The following COLEC10 variants were observed in gnomAD, a reference collection of about 807,000 sequenced individuals.
COLEC10 encodes the protein collectin-10.
In COLEC10, 22 loss-of-function variants were observed where a neutral mutation model predicts 28.4. The ratio of observed to expected loss-of-function variants is 0.78; its 90% CI spans 0.55 to 1.11. COLEC10 has a LOEUF of 1.11. COLEC10 is among the 50% of genes least tolerant of loss of function. The pLI is 0.00. For missense variants in COLEC10, 361 were observed against 344.1 expected (o/e 1.05, Z -0.39); for synonymous variants, 125 against 116.1 (o/e 1.08, Z -0.49).
At chr8:118,958,443 C>T in the COLEC10 span, among the ~76,000 whole-genome samples, 3 of 152,202 alleles carry the variant, frequency 2.0e-5, no homozygotes, top group Non-Finnish European at 4.4e-5. Context: ...GGGTTTTGCA[C>T]AGTGGCACCA....
the COLEC10 span, among the ~76,000 whole-genome samples, chr8:118,959,971 T>C: frequency 6.6e-6 from 1 of 152,232 alleles, no homozygotes; most frequent in African/African-American, 2.4e-5. Context: ...CTTAGAAGTT[T>C]AGAGATACGA....
chr8:119,108,098 T>C lies in COLEC10; in HGVS notation c.*1907T>C, dbSNP rs576082164. Among the ~76,000 whole-genome samples, 2 of 152,184 alleles carry C rather than the reference T, an allele frequency of 1.3e-5. No individual in the cohort carries two copies. ...AGCTTAATAATAGGAATTTGTTATA[T>C]GTTTGACATTTATCAGGTTACTAGT... On this transcript the variant is annotated 3_prime_UTR_variant, in exon 6 of 6. Coordinates refer to ENST00000332843, the MANE Select transcript of COLEC10 (RefSeq NM_006438.5).
chr8:119,040,723 A>T lies in COLEC10; in HGVS notation n.235+31170A>T, dbSNP rs144425367. Among the ~76,000 whole-genome samples the T allele has an allele frequency of 2.5e-3, 375 of 152,362 alleles. 2 individuals carry two copies. The highest frequency in any genetic ancestry group is 8.7e-3 in the African/African-American group (362 of 41,590). On this transcript the variant is annotated intron_variant and non_coding_transcript_variant, in intron 2 of 6. Coordinates refer to the COLEC10 transcript ENST00000521788. ...CATTTACAGACAGATGTGGGCAGGA[A>T]TAAAGGAACCAACAAGAGACAGTAA...
Position 119,051,375 on chromosome 8 carries a change from C to A in COLEC10, n.236-38305C>A, listed in dbSNP as rs1011241921. 7.2e-5 allele frequency among the ~76,000 whole-genome samples: 11 copies of A among 152,168 alleles called. No individual in the cohort carries two copies. In the South Asian group the frequency reaches 1.9e-3, roughly 26 times the overall value. The stretch of plus-strand genomic sequence containing the variant: ...CCCAACAATCTGGCTGAGGGCAAAT[C>A]TTTTAACCTTCCTGAGCCTCAGTTA... On this transcript the variant is annotated intron_variant and non_coding_transcript_variant, in intron 2 of 6. Coordinates refer to the COLEC10 transcript ENST00000521788.
intron 1 of COLEC10, among the ~76,000 whole-genome samples, chr8:118,998,872 A>G (rs976294418): frequency 2.8e-5 from 4 of 145,428 alleles, no homozygotes; most frequent in Non-Finnish European, 4.5e-5. Context: ...AAAAAAATTA[A>G]CTTGGATATG....
chr8:119,009,367 TC>T (rs1813863836), intron 1 of COLEC10: 1 of 150,678 alleles, frequency 6.6e-6, no homozygotes, highest in East Asian at 1.9e-4. Flanking sequence ...CTAAGTTCTC[TC>T]TCTCTCTCTT....
chr8:119,071,819 A>C (rs1815131607), intron 1 of COLEC10, among the ~76,000 whole-genome samples: 1 of 152,202 alleles, frequency 6.6e-6, no homozygotes, highest in Admixed American at 6.5e-5. Flanking sequence ...CAAATTTTCC[A>C]TGAAAGACCC....
chr8:119,004,354 C>T (rs1217862326), intron 1 of COLEC10, among the ~76,000 whole-genome samples: 2 of 151,732 alleles, frequency 1.3e-5, no homozygotes, highest in African/African-American at 2.4e-5. Context: ...TGTTACTTCA[C>T]TTTCAATCTT....
At chr8:119,019,743 C>T (rs573174445) in intron 2 of COLEC10, among the ~76,000 whole-genome samples, 1 of 152,148 alleles carries the variant, frequency 6.6e-6, no homozygotes, top group Non-Finnish European at 1.5e-5. Flanking sequence ...AGTGTCAATC[C>T]ACTAGGGCAG....
chr8:119,046,734 CTTTA>C (rs1183848239), intron 2 of COLEC10, among the ~76,000 whole-genome samples: 1 of 152,108 alleles, frequency 6.6e-6, no homozygotes, highest in African/African-American at 2.4e-5. Context: ...TGATTATAAT[CTTTA>C]TTTTAGTCTT....
intron 1 of COLEC10, among the ~76,000 whole-genome samples, chr8:119,073,010 C>T (rs73325493): frequency 0.019 from 2,857 of 152,294 alleles, 80 homozygotes; most frequent in African/African-American, 0.064. Flanking sequence ...CTTCCCCAAA[C>T]GGATAGACAG....
intron 5 of COLEC10, 147 bp downstream of exon 5, chr8:119,104,042 T>C: frequency 1.7e-6 from 1 of 605,028 alleles, no homozygotes; most frequent in Admixed American, 3.1e-5. Context: ...AAATTGCTAA[T>C]TATCCACTAA....
chr8:119,034,025 A>G (rs750820349), intron 2 of COLEC10, among the ~76,000 whole-genome samples: 15 of 152,250 alleles, frequency 9.9e-5, no homozygotes, highest in Admixed American at 2.6e-4. Flanking sequence ...AGATAAAGAA[A>G]ATGTGGCACA....
chr8:119,014,323 A>G (rs1586274), intron 2 of COLEC10, among the ~76,000 whole-genome samples: 82,318 of 148,896 alleles, frequency 0.55, 23,975 homozygotes, highest in African/African-American at 0.68. Flanking sequence ...TCACTTTTGC[A>G]GAATAATTTC....
chr8:119,104,309 A>G (rs528807169), intron 5 of COLEC10, among the ~76,000 whole-genome samples: 1 of 152,268 alleles, frequency 6.6e-6, no homozygotes, highest in African/African-American at 2.4e-5. Context: ...CTGAGTTTAC[A>G]TAATTGTTTA....
chr8:119,042,343 AG>A (rs1190125072), intron 2 of COLEC10, among the ~76,000 whole-genome samples: 4 of 152,114 alleles, frequency 2.6e-5, no homozygotes, highest in African/African-American at 7.2e-5. Flanking sequence ...TTAATGCAGC[AG>A]TTGTACTTTA....
intron 2 of COLEC10, among the ~76,000 whole-genome samples, chr8:119,054,216 A>C (rs1377313914): frequency 6.6e-6 from 1 of 152,128 alleles, no homozygotes; most frequent in African/African-American, 2.4e-5. Context: ...TGCTACTCAG[A>C]TGGCACCCAA....
chr8:119,049,165 A>T (rs969559319), intron 2 of COLEC10, among the ~76,000 whole-genome samples: 3 of 152,062 alleles, frequency 2.0e-5, no homozygotes, highest in African/African-American at 7.2e-5. Context: ...ATAGTCCCCC[A>T]ATCTCTTCTG....
chr8:119,010,908 A>G (rs1055840599), intron 2 of COLEC10, among the ~76,000 whole-genome samples: 1 of 151,046 alleles, frequency 6.6e-6, no homozygotes, highest in African/African-American at 2.5e-5. Flanking sequence ...CAGTCCTTAT[A>G]AGATATGTCT....
Sources: gnomAD v4.1 joint callset for allele counts (sites outside exome capture counted in the v4.1 genomes callset) on GRCh38, gnomAD v4.1.1 for gene constraint, MANE v1.5 for transcripts, NCBI Gene and HGNC (gene_info 2026-07-23, HGNC 2026-07-21) for gene names.